The following ADARB2 variants were observed in gnomAD, a reference collection of about 807,000 sequenced individuals.
ADARB2 encodes the protein inactive double-stranded RNA-specific editase B2.
Under a neutral mutation model 62.2 loss-of-function variants are expected in ADARB2, and 25 were observed. That is an observed-to-expected ratio of 0.40 (90% CI 0.29 to 0.56). The LOEUF (loss-of-function observed/expected upper bound fraction) is 0.56. Among genes scored for constraint, ADARB2 ranks in the 20% least tolerant of loss-of-function variants. The pLI is 0.43. For synonymous variants in ADARB2, 572 were observed against 500.8 expected, an observed-to-expected ratio of 1.14 and a Z score of -1.90; for missense variants, 1,071 against 1,077.4, an observed-to-expected ratio of 0.99 and a Z score of 0.08.
chr10:1,480,741 A>G (rs1043722588), intron 1 of ADARB2, among the ~76,000 whole-genome samples: 2 of 152,224 alleles, frequency 1.3e-5, no homozygotes. Context: ...ATCTAAAAGA[A>G]TAAAATACTT....
At chr10:1,622,955 C>T (rs1332737784) in intron 1 of ADARB2, among the ~76,000 whole-genome samples, 3 of 152,140 alleles carry the variant, frequency 2.0e-5, no homozygotes, top group Non-Finnish European at 4.4e-5. Flanking sequence ...GGAGAAACAA[C>T]AGGAACTCTA....
At chr10:1,549,822 C>T (rs1340704955) in intron 1 of ADARB2, among the ~76,000 whole-genome samples, 1 of 152,122 alleles carries the variant, frequency 6.6e-6, no homozygotes, top group Non-Finnish European at 1.5e-5. Flanking sequence ...TCCTTCCAGC[C>T]AACTGCGATC....
chr10:1,242,881 G>A (rs1830941186), intron 4 of ADARB2, among the ~76,000 whole-genome samples: 1 of 152,164 alleles, frequency 6.6e-6, no homozygotes, highest in Admixed American at 6.5e-5. Context: ...ACTCTCTTCA[G>A]GGACTGAAAA....
chr10:1,557,589 C>T (rs1407819336), intron 1 of ADARB2, among the ~76,000 whole-genome samples: 1 of 152,140 alleles, frequency 6.6e-6, no homozygotes, highest in African/African-American at 2.4e-5. Flanking sequence ...GAGCTGTTGC[C>T]CACATTTGTT....
intron 1 of ADARB2, among the ~76,000 whole-genome samples, chr10:1,590,173 G>A (rs1470017394): frequency 6.6e-6 from 1 of 152,218 alleles, no homozygotes; most frequent in African/African-American, 2.4e-5. Flanking sequence ...GTGGCGCTGA[G>A]CCTGCACAGG....
At chr10:1,503,678 G>A (rs1365213205) in intron 1 of ADARB2, among the ~76,000 whole-genome samples, 3 of 152,140 alleles carry the variant, frequency 2.0e-5, no homozygotes, top group African/African-American at 7.2e-5. Flanking sequence ...GGTGGGAGGT[G>A]ACTGGATCAT....
At position 1,177,399 on chromosome 10, in the gene ADARB2, C is replaced by G. The variant is rs1362863410; in HGVS notation, c.*5794G>C. 7.2e-6 allele frequency: 1 copy of G among 139,128 alleles called. No individual in the cohort carries two copies. The highest frequency in any genetic ancestry group is 2.9e-5 in the African/African-American group (1 of 34,716). 8.6% of individuals were successfully genotyped at this position (139,128 alleles called of 1,614,324 possible). On this transcript the variant is annotated 3_prime_UTR_variant, in exon 10 of 10. Transcript: ENST00000381312. ...AAGTGCAATTTATAGAACTTAGAGG[C>G]AAATTAACATGTAAATTCATATTTT...
intron 3 of ADARB2, among the ~76,000 whole-genome samples, chr10:1,332,615 C>A (rs1286763993): frequency 6.6e-6 from 1 of 151,600 alleles, no homozygotes; most frequent in Non-Finnish European, 1.5e-5. Flanking sequence ...AGACGTTGGC[C>A]CCCTGACCTC....
At chr10:1,333,513 G>C (rs766482507) in intron 3 of ADARB2, among the ~76,000 whole-genome samples, 15 of 152,194 alleles carry the variant, frequency 9.9e-5, no homozygotes, top group Non-Finnish European at 2.1e-4. Flanking sequence ...TTAATTTTGA[G>C]GGTATTTTTT....
chr10:1,521,323 C>T (rs748773827), intron 1 of ADARB2, among the ~76,000 whole-genome samples: 9 of 152,130 alleles, frequency 5.9e-5, no homozygotes, highest in South Asian at 4.2e-4. Flanking sequence ...GGTGTGGATT[C>T]GGACTCAGCT....
chr10:1,313,085 C>T (rs1023454031), intron 3 of ADARB2, among the ~76,000 whole-genome samples: 3 of 152,196 alleles, frequency 2.0e-5, no homozygotes, highest in African/African-American at 4.8e-5. Context: ...ATCCATTCCT[C>T]AACAAGCATC....
intron 1 of ADARB2, among the ~76,000 whole-genome samples, chr10:1,386,248 GAA>G (rs1352604787): frequency 1.3e-5 from 2 of 151,642 alleles, no homozygotes; most frequent in Non-Finnish European, 3.0e-5. Context: ...AAAAGGCAAA[GAA>G]AGAGAAACAA....
At chr10:1,642,272 G>A (rs752999931) in intron 1 of ADARB2, among the ~76,000 whole-genome samples, 23 of 147,466 alleles carry the variant, frequency 1.6e-4, no homozygotes, top group African/African-American at 2.4e-4. Flanking sequence ...CCACATTGTC[G>A]GTGCTCAATG....
chr10:1,467,030 G>A (rs968078021), intron 1 of ADARB2, among the ~76,000 whole-genome samples: 8 of 151,492 alleles, frequency 5.3e-5, no homozygotes, highest in East Asian at 3.9e-4. Context: ...TCTGGTTTCC[G>A]GTCTATTTAC....
intron 1 of ADARB2, among the ~76,000 whole-genome samples, chr10:1,664,789 C>T (rs1834294282): frequency 6.6e-6 from 1 of 152,156 alleles, no homozygotes; most frequent in South Asian, 2.1e-4. Flanking sequence ...CCCTGCCATC[C>T]CCAGCCTAGG....
chr10:1,631,995 C>T (rs917932425), intron 1 of ADARB2, among the ~76,000 whole-genome samples: 8 of 152,124 alleles, frequency 5.3e-5, no homozygotes, highest in African/African-American at 1.9e-4. Context: ...AATGTGTCCG[C>T]TCTTCACAGG....
At chr10:1,516,490 GCTATGCGGGCTGCT>G (rs1288855725) in intron 1 of ADARB2, among the ~76,000 whole-genome samples, 1 of 151,888 alleles carries the variant, frequency 6.6e-6, no homozygotes, top group Non-Finnish European at 1.5e-5. Context: ...GCTGCTCTGT[GCTATGCGGGCTGCT>G]CTGTGCGGGC....
chr10:1,283,284 T>C (rs550292712), intron 3 of ADARB2, among the ~76,000 whole-genome samples: 2 of 152,346 alleles, frequency 1.3e-5, no homozygotes, highest in African/African-American at 4.8e-5. Context: ...TAATAGGAGT[T>C]CTAGCTAAGG....
At chr10:1,493,241 T>A (rs1163124722) in intron 1 of ADARB2, among the ~76,000 whole-genome samples, 1 of 152,214 alleles carries the variant, frequency 6.6e-6, no homozygotes, top group Non-Finnish European at 1.5e-5. Context: ...TATTGGATAA[T>A]GGAAGTATTT....
Sources: gnomAD v4.1 joint callset for allele counts (sites outside exome capture counted in the v4.1 genomes callset) on GRCh38, gnomAD v4.1.1 for gene constraint, MANE v1.5 for transcripts, NCBI Gene and HGNC (gene_info 2026-07-23, HGNC 2026-07-21) for gene names.